DNM3: variants seen among roughly 807,000 people sequenced by gnomAD.
DNM3 encodes dynamin-3.
DNM3 carries 47 observed loss-of-function variants against 101.6 expected under a neutral mutation model. The ratio of observed to expected loss-of-function variants is 0.46; its 90% CI spans 0.37 to 0.59. The LOEUF is 0.59. DNM3 is among the 20% of genes least tolerant of loss of function. The pLI is 0.00. For synonymous variants in DNM3, 385 were observed against 387.9 expected, an observed-to-expected ratio of 0.99 and a Z score of 0.09; for missense variants, 849 against 1,085.7, an observed-to-expected ratio of 0.78 and a Z score of 3.06.
chr1:172,298,723 A>C (rs773592479), intron 15 of DNM3, among the ~76,000 whole-genome samples: 66 of 152,096 alleles, frequency 4.3e-4, no homozygotes, highest in Admixed American at 2.0e-3. Context: ...ATAATGTTGA[A>C]CATAAAAATG....
chr1:171,921,116 T>C (rs1233854428), intron 1 of DNM3, among the ~76,000 whole-genome samples: 16 of 135,278 alleles, frequency 1.2e-4, no homozygotes, highest in East Asian at 2.0e-4. Flanking sequence ...TTTTTTTTTT[T>C]CTTTTTTTTT....
intron 12 of DNM3, among the ~76,000 whole-genome samples, chr1:172,082,371 G>A (rs922520301): frequency 1.2e-4 from 18 of 150,470 alleles, no homozygotes; most frequent in East Asian, 3.9e-4. Flanking sequence ...GTAATCTGTC[G>A]GGGTGAACAT....
In DNM3 at chr1:172,272,279, C is replaced by A. The variant is rs1047873425; in HGVS notation, c.1769+18597C>A. On this transcript the variant is annotated intron_variant, in intron 15 of 20. Coordinates refer to ENST00000627582, the MANE Select transcript of DNM3 (RefSeq NM_015569.5). Reference sequence around the variant, plus strand: ...CTTATAATTAATACATAATTATTATCTAGAATATATGAATCTAAATTAAAA... The same window carrying A: ...CTTATAATTAATACATAATTATTATATAGAATATATGAATCTAAATTAAAA... Among the ~76,000 whole-genome samples, 9 of 152,092 alleles carry A rather than the reference C, an allele frequency of 5.9e-5. No homozygotes were observed. In the East Asian group the frequency reaches 1.4e-3, roughly 23 times the overall value.
chr1:172,089,893 T>G (rs948023924), intron 12 of DNM3, among the ~76,000 whole-genome samples: 2 of 152,228 alleles, frequency 1.3e-5, no homozygotes, highest in East Asian at 3.8e-4. Context: ...ACTTGTTTAG[T>G]CCTCTAGCCC....
intron 1 of DNM3, among the ~76,000 whole-genome samples, chr1:171,854,253 C>T (rs2033327061): frequency 1.3e-5 from 2 of 152,172 alleles, no homozygotes; most frequent in African/African-American, 4.8e-5. Context: ...TGATCGAAGG[C>T]AATCACTTAA....
intron 15 of DNM3, among the ~76,000 whole-genome samples, chr1:172,290,988 G>T (rs1244721335): frequency 6.6e-6 from 1 of 152,146 alleles, no homozygotes; most frequent in Non-Finnish European, 1.5e-5. Context: ...AGGGGGAGTG[G>T]TCAACAAATG....
intron 13 of DNM3, among the ~76,000 whole-genome samples, chr1:172,130,137 G>C (rs1030726337): frequency 2.0e-5 from 3 of 151,894 alleles, no homozygotes; most frequent in East Asian, 1.9e-4. Context: ...TGATTATTAG[G>C]GTATTTTCAT....
intron 4 of DNM3, among the ~76,000 whole-genome samples, chr1:172,005,150 A>G (rs1485894601): frequency 6.6e-6 from 1 of 152,000 alleles, no homozygotes; most frequent in East Asian, 1.9e-4. Context: ...AAATTTCTTA[A>G]TTTCTCTGTG....
chr1:172,071,658 T>A (rs1033225026), intron 11 of DNM3, among the ~76,000 whole-genome samples: 6 of 152,142 alleles, frequency 3.9e-5, no homozygotes, highest in African/African-American at 1.4e-4. Flanking sequence ...ATTAAGAATA[T>A]GGAAAGCCAT....
At chr1:172,241,970 A>G (rs902449025) in intron 14 of DNM3, among the ~76,000 whole-genome samples, 3 of 152,276 alleles carry the variant, frequency 2.0e-5, no homozygotes, top group Non-Finnish European at 2.9e-5. Flanking sequence ...CATCTTCAGA[A>G]TCCACTCCAG....
At chr1:172,050,894 C>A (rs1266829043) in intron 10 of DNM3, among the ~76,000 whole-genome samples, 1 of 150,914 alleles carries the variant, frequency 6.6e-6, no homozygotes, top group Admixed American at 6.6e-5. Context: ...TTTTTTTTAT[C>A]ATTTCCCATT....
intron 13 of DNM3, among the ~76,000 whole-genome samples, chr1:172,101,966 C>A (rs2054676490): frequency 6.6e-6 from 1 of 151,920 alleles, no homozygotes; most frequent in African/African-American, 2.4e-5. Context: ...TCAAGCAATT[C>A]TCCTGCCTCA....
In DNM3 at chr1:171,980,678, C is replaced by T. The variant is rs147227047; in HGVS notation, c.236-6978C>T. Among the ~76,000 whole-genome samples, 603 of 151,760 alleles carry T rather than the reference C, an allele frequency of 4.0e-3. 15 individuals are homozygous for T. The highest frequency in any genetic ancestry group is 0.032 in the Admixed American group (492 of 15,236). On this transcript the variant is annotated intron_variant, in intron 2 of 20. Coordinates refer to ENST00000627582, the MANE Select transcript of DNM3 (RefSeq NM_015569.5). ...AATTCTATGAGATCAACTTTTTTAG[C>T]TTTCATATGTGAGTAAGAACATGGA...
intron 12 of DNM3, among the ~76,000 whole-genome samples, chr1:172,082,790 G>A (rs542337029): frequency 5.6e-4 from 85 of 152,282 alleles, no homozygotes; most frequent in Non-Finnish European, 1.0e-3. Context: ...CTAAACAGTG[G>A]CCTGAGGAAT....
At chr1:172,391,782 T>C (rs190059021) in intron 20 of DNM3, among the ~76,000 whole-genome samples, 1 of 152,282 alleles carries the variant, frequency 6.6e-6, no homozygotes, top group Non-Finnish European at 1.5e-5. Context: ...CAGAAACCTA[T>C]AACATGACAA....
intron 1 of DNM3, among the ~76,000 whole-genome samples, chr1:171,863,925 A>T (rs1157028149): frequency 6.6e-6 from 1 of 152,230 alleles, no homozygotes; most frequent in African/African-American, 2.4e-5. Context: ...TATTGAATGA[A>T]TGAGCTCTTT....
chr1:171,979,198 T>A (rs1423238024), intron 2 of DNM3, among the ~76,000 whole-genome samples: 1 of 152,214 alleles, frequency 6.6e-6, no homozygotes, highest in Non-Finnish European at 1.5e-5. Flanking sequence ...TCGTGTCAGA[T>A]GCTGCCAAGA....
chr1:172,407,380 A>T (rs750171349), intron 20 of DNM3, among the ~76,000 whole-genome samples: 3 of 152,118 alleles, frequency 2.0e-5, no homozygotes, highest in Non-Finnish European at 4.4e-5. Context: ...GGAAAATTAT[A>T]TGTGAGAAAT....
At chr1:172,356,067 A>T (rs2067438047) in intron 17 of DNM3, among the ~76,000 whole-genome samples, 1 of 152,110 alleles carries the variant, frequency 6.6e-6, no homozygotes, top group Admixed American at 6.6e-5. Context: ...TACAGAGGGA[A>T]ACACTGCCAA....
Sources: gnomAD v4.1 joint callset for allele counts (sites outside exome capture counted in the v4.1 genomes callset) on GRCh38, gnomAD v4.1.1 for gene constraint, MANE v1.5 for transcripts, NCBI Gene and HGNC (gene_info 2026-07-23, HGNC 2026-07-21) for gene names.